MPV17: variants seen among roughly 807,000 people sequenced by gnomAD.
The protein encoded by MPV17 is MPV17, mitochondrial inner membrane protein.
In MPV17, 31 loss-of-function variants were observed where a neutral mutation model predicts 28.6. The observed-to-expected ratio is 1.08, with a 90% confidence interval of 0.81 to 1.46. The LOEUF (loss-of-function observed/expected upper bound fraction) is 1.46, where lower values mean the gene tolerates loss of function less well. MPV17 is among the 40% of genes most tolerant of loss of function. The pLI, the probability that MPV17 is intolerant of heterozygous loss-of-function variation, is 0.00. For missense variants in MPV17, 198 were observed against 216.2 expected (o/e 0.92, Z 0.53); for synonymous variants, 87 against 85.3 (o/e 1.02, Z -0.11).
In MPV17 at chr2:27,311,901, G is replaced by A. The variant is rs957850339; in HGVS notation, c.459C>T (p.Tyr153=). The change falls in exon 7 of 8, where the codon TAC becomes TAT. Residue 153 remains tyrosine, a splice_region_variant and synonymous_variant. Transcript: ENST00000380044. ...GGTGGGGTAGGGGTGCAACATACCT[G>A]TAATGAAGGGGGACCAGGTAGAAGT... ...LANFYLVPLH[Y]RLAVVQCVAV... is the part of the protein sequence containing the mutation. 2.5e-6 allele frequency: 4 copies of A among 1,613,636 alleles called. No homozygotes were observed. Among genetic ancestry groups the A allele is most frequent in the Non-Finnish European group, 2.5e-6 (3 of 1,179,956 alleles).
At chr2:27,315,859 G>GC in intron 2 of MPV17, 1 of 1,349,970 alleles carries the variant, frequency 7.4e-7, no homozygotes, top group Non-Finnish European at 9.5e-7. Flanking sequence ...ACGGCACCCA[G>GC]CCTACACCCC....
In MPV17 at chr2:27,317,491, G is replaced by A. The variant is rs1032822427; in HGVS notation, c.71-4382C>T. 6.6e-6 allele frequency among the ~76,000 whole-genome samples: 1 copy of A among 152,260 alleles called. No individual in the cohort carries two copies. Among genetic ancestry groups the A allele is most frequent in the Non-Finnish European group, 1.5e-5 (1 of 68,054 alleles). ...CTCCAGTAGTCTCAAGTGCAAGGCA[G>A]TATGGTGGGCAGTGCCCTAGGTTAT... On this transcript the variant is annotated intron_variant, in intron 2 of 7. Transcript: ENST00000380044. This position sits in a 1 kb window ranked among gnomAD's most constrained non-coding sequence, Gnocchi z 4.0.
chr2:27,311,757 T>G (rs1314776424), intron 7 of MPV17, 142 bp downstream of exon 7: 57 of 1,559,528 alleles, frequency 3.7e-5, no homozygotes, highest in Non-Finnish European at 4.3e-5. Flanking sequence ...ATAACACGCT[T>G]GGGAATCTGA....
chr2:27,320,771 C>A (rs1205296073), intron 2 of MPV17, among the ~76,000 whole-genome samples: 1 of 152,194 alleles, frequency 6.6e-6, no homozygotes, highest in Non-Finnish European at 1.5e-5. Context: ...GTACTGTTTT[C>A]CAGTGTGATG....
chr2:27,320,946 C>T (rs1679834491), intron 2 of MPV17, among the ~76,000 whole-genome samples: 1 of 152,132 alleles, frequency 6.6e-6, no homozygotes, highest in African/African-American at 2.4e-5. Context: ...TGCTGGGAGG[C>T]TACATTTTGC....
chr2:27,316,783 C>T, intron 2 of MPV17: 1 of 331,076 alleles, frequency 3.0e-6, no homozygotes, highest in Non-Finnish European at 5.5e-6. Context: ...TGGCCAGAGG[C>T]CTGATGGGGC....
intron 2 of MPV17, among the ~76,000 whole-genome samples, chr2:27,318,586 T>C (rs1189171757): frequency 4.7e-5 from 7 of 150,406 alleles, no homozygotes; most frequent in African/African-American, 1.7e-4. Flanking sequence ...TCGAACTCCT[T>C]ACCTCAAGTG....
At chr2:27,310,115 CT>C (rs35424642) in intron 7 of MPV17, 134 bp from the exon 8 acceptor site, 58 of 749,388 alleles carry the variant, frequency 7.7e-5, no homozygotes, top group Middle Eastern at 2.4e-4. Context: ...CCTTCAGCAC[CT>C]TTTTTTTGAG....
rs1329117291 is a variant in MPV17, at chr2:27,312,764, C to T, written c.195G>A (p.Val65=). 4 of 1,614,096 alleles carry T rather than the reference C, an allele frequency of 2.5e-6. No homozygotes were observed. The highest frequency in any genetic ancestry group is 3.4e-6 in the Non-Finnish European group (4 of 1,180,042). Residue 65 remains valine, a synonymous_variant, in exon 4 of 8, where the codon GTG becomes GTA. Coordinates refer to ENST00000380044, the MANE Select transcript of MPV17 (RefSeq NM_002437.5). ...VSLGCGFVGP[V]VGGWYKVLDR... ...CCAAAACCTTGTACCAGCCTCCTAC[C>T]ACAGGGCCCTGGAAGTAAACCCCAG...
intron 4 of MPV17, 25 bp downstream of exon 4, chr2:27,312,655 C>T: frequency 1.2e-6 from 2 of 1,613,570 alleles, no homozygotes; most frequent in Middle Eastern, 1.7e-4. Context: ...ACAGCTCACC[C>T]TCCCCACTCT....
chr2:27,313,448 AG>A, intron 2 of MPV17: 1 of 567,756 alleles, frequency 1.8e-6, no homozygotes, highest in Admixed American at 3.1e-5. Context: ...CAGAATCAAA[AG>A]GGGCTTTAAG....
rs543184768 is a variant in MPV17 at position 27,316,258 on chromosome 2, G to A, written c.71-3149C>T. The A allele has an allele frequency of 7.2e-4, 1,104 of 1,527,496 alleles. 2 individuals carry two copies. The highest frequency in any genetic ancestry group is 8.9e-4 in the Non-Finnish European group (1,009 of 1,127,608). The allele number at this position is 1,527,496 out of a possible 1,614,324, so 94.6% of individuals were successfully genotyped here. On this transcript the variant is annotated intron_variant, in intron 2 of 7. Coordinates refer to ENST00000380044, the MANE Select transcript of MPV17 (RefSeq NM_002437.5). ...CCAACAGTCACACAACAAGCTAGAG[G>A]CAGAGCTGGAATGAAAAGCCAAGTC...
intron 2 of MPV17, chr2:27,316,108 C>A: frequency 6.4e-7 from 1 of 1,551,002 alleles, no homozygotes; most frequent in African/African-American, 1.4e-5. Flanking sequence ...GACTAATGCA[C>A]TTCCTCTCTG....
rs138004746 is a variant in MPV17 at position 27,312,157 on chromosome 2, G to C, written c.408+57C>G. On this transcript the variant is annotated intron_variant, in intron 6 of 7. Transcript: ENST00000380044. ...ATGTCAGGAGGACCCCCCAATCCCA[G>C]GACAGTTCTAGACTTAAGGAAGCAG... The C allele has an allele frequency of 3.8e-6, 6 of 1,586,562 alleles. No individual in the cohort carries two copies. In the East Asian group the frequency reaches 1.3e-4, roughly 35 times the overall value.
chr2:27,316,815 G>A (rs1679671350), intron 2 of MPV17: 1 of 425,936 alleles, frequency 2.3e-6, no homozygotes, highest in East Asian at 4.3e-5. Context: ...CTGCTGGGCA[G>A]TGATGCCCAA....
Position 27,322,193 on chromosome 2 carries a change from G to C in MPV17, c.70+255C>G, listed in dbSNP as rs1052401662. On this transcript the variant is annotated intron_variant, in intron 2 of 7. Transcript: ENST00000380044. Reference sequence around the variant, plus strand: ...CTGGGGCAATGCCTTTATCCTTCAGGGCTGACTGTTCAGCTTTTTGAGGAC... The same window carrying C: ...CTGGGGCAATGCCTTTATCCTTCAGCGCTGACTGTTCAGCTTTTTGAGGAC... 1.0e-5 allele frequency: 6 copies of C among 574,430 alleles called. No individual in the cohort carries two copies. In the Admixed American group the frequency reaches 1.5e-4, roughly 14 times the overall value. 35.6% of individuals were successfully genotyped at this position (574,430 alleles called of 1,614,324 possible).
At chr2:27,320,923 A>C (rs1679833277) in intron 2 of MPV17, among the ~76,000 whole-genome samples, 1 of 152,154 alleles carries the variant, frequency 6.6e-6, no homozygotes, top group African/African-American at 2.4e-5. Flanking sequence ...GGTCTGAAAA[A>C]GTCTGGGAAA....
intron 2 of MPV17, among the ~76,000 whole-genome samples, chr2:27,313,817 T>C (rs1301973188): frequency 6.6e-6 from 1 of 152,148 alleles, no homozygotes; most frequent in African/African-American, 2.4e-5. Context: ...ATTCAAGCGA[T>C]TCCCCTGCCT....
intron 2 of MPV17, chr2:27,322,061 T>C (rs533125120): frequency 5.3e-5 from 15 of 283,318 alleles, no homozygotes; most frequent in African/African-American, 3.2e-4. Context: ...TGATCTAATG[T>C]GGACTCAAGT....
Sources: gnomAD v4.1 joint callset for allele counts (sites outside exome capture counted in the v4.1 genomes callset) on GRCh38, gnomAD v4.1.1 for gene constraint, Gnocchi (gnomAD v3.1) non-coding constraint, MANE v1.5 for transcripts, NCBI Gene and HGNC (gene_info 2026-07-23, HGNC 2026-07-21) for gene names.